The following TMPRSS15 variants were observed in gnomAD, a reference collection of about 807,000 sequenced individuals.
The protein encoded by TMPRSS15 is enteropeptidase.
In TMPRSS15, 128 loss-of-function variants were observed where a neutral mutation model predicts 125.3. The observed-to-expected ratio is 1.02, with a 90% CI of 0.89 to 1.18. The LOEUF (loss-of-function observed/expected upper bound fraction) is 1.18, where lower values mean the gene tolerates loss of function less well. Among genes scored for constraint, TMPRSS15 ranks in the 50% most tolerant of loss-of-function variants. The pLI, the probability that TMPRSS15 is intolerant of heterozygous loss-of-function variation, is 0.00. For synonymous variants in TMPRSS15, 446 were observed against 423.2 expected (o/e 1.05, Z -0.66); for missense variants, 1,283 against 1,212.7 (o/e 1.06, Z -0.86).
At position 18,437,838 on chromosome 21, in the gene TMPRSS15, G is replaced by C. The variant is rs1474291961; in HGVS notation, c.11-39509C>G. Among the ~76,000 whole-genome samples, 4 of 152,098 alleles carry C rather than the reference G, an allele frequency of 2.6e-5. No individual in the cohort carries two copies. In the East Asian group the frequency reaches 7.7e-4, roughly 29 times the overall value. On this transcript the variant is annotated intron_variant, in intron 1 of 7. Transcript: ENST00000422787. ...AAGTCAGGAAACAACAGGTGCTGGA[G>C]AGGATGTGGAGAAATAGGAACACTT... is the stretch of plus-strand genomic sequence containing the variant.
Position 18,319,422 on chromosome 21 carries a change from A to ATT in TMPRSS15, c.1922-4168_1922-4167dup, listed in dbSNP as rs35796863. 9.6e-3 allele frequency among the ~76,000 whole-genome samples: 1,009 copies of ATT among 105,188 alleles called. 13 individuals are homozygous for ATT. The highest frequency in any genetic ancestry group is 0.02 in the East Asian group (70 of 3,460). 69.0% of individuals were successfully genotyped at this position (105,188 alleles called of 152,430 possible). The stretch of plus-strand genomic sequence containing the variant: ...CAGTAAAAAAAAATCTTCTTCACCG[A>ATT]TTTTTTTTTTTTTTTTTTTTTTTGA... On this transcript the variant is annotated intron_variant, in intron 16 of 24. Coordinates refer to ENST00000284885, the MANE Select transcript of TMPRSS15 (RefSeq NM_002772.3).
chr21:18,391,944 G>A (rs2075994182), intron 3 of TMPRSS15, among the ~76,000 whole-genome samples: 1 of 151,950 alleles, frequency 6.6e-6, no homozygotes, highest in Non-Finnish European at 1.5e-5. Flanking sequence ...ACCCTCTTAA[G>A]CAATGGCCTG....
In TMPRSS15 at chr21:18,430,627, C is replaced by G. The variant is rs149856663; in HGVS notation, c.11-32298G>C. ...AGAAGAGCAGAATTACTACAATCTG[C>G]TGCTCTGTATGCTGGTGCAATAACA... On this transcript the variant is annotated intron_variant, in intron 1 of 7. Coordinates refer to the TMPRSS15 transcript ENST00000422787. Among the ~76,000 whole-genome samples the G allele has an allele frequency of 1.7e-3, 255 of 152,274 alleles. 3 individuals carry two copies. Among genetic ancestry groups the G allele is most frequent in the African/African-American group, 5.9e-3 (245 of 41,544 alleles).
chr21:18,313,072 A>C lies in TMPRSS15; in HGVS notation c.2038T>G (p.Phe680Val), dbSNP rs751066756. The part of the protein sequence containing the change: ...DGSDEADCVR[F>V]FNGTTNNNGL... ...TTGTTGTTCGTTGTGCCATTGAAAA[A>C]ACGCACTAAAGACACAGAGAGCATA... Residue 680 changes from phenylalanine (F) to valine (V), a missense_variant, in exon 18 of 25, where the codon TTT becomes GTT. Coordinates refer to ENST00000284885, the MANE Select transcript of TMPRSS15 (RefSeq NM_002772.3). The C allele has an allele frequency of 6.2e-7, 1 of 1,613,142 alleles. No homozygotes were observed. Among genetic ancestry groups the C allele is most frequent in the Non-Finnish European group, 8.5e-7 (1 of 1,179,238 alleles).
chr21:18,311,359 AAT>A (rs2075099541), intron 18 of TMPRSS15, among the ~76,000 whole-genome samples: 1 of 152,204 alleles, frequency 6.6e-6, no homozygotes, highest in African/African-American at 2.4e-5. Context: ...TATTAACCAG[AAT>A]ATATAAAGAG....
At chr21:18,418,611 A>G (rs2076185488) in intron 1 of TMPRSS15, among the ~76,000 whole-genome samples, 1 of 152,136 alleles carries the variant, frequency 6.6e-6, no homozygotes, top group Admixed American at 6.5e-5. Context: ...CTGCCCATTC[A>G]TCTCTTTGAT....
chr21:18,297,497 T>C (rs1021662640), intron 19 of TMPRSS15, among the ~76,000 whole-genome samples: 4 of 152,236 alleles, frequency 2.6e-5, no homozygotes, highest in African/African-American at 9.6e-5. Flanking sequence ...CCTATGAGTG[T>C]GCCAGAAATT....
intron 1 of TMPRSS15, among the ~76,000 whole-genome samples, chr21:18,450,824 A>G (rs2076266812): frequency 6.6e-6 from 1 of 152,196 alleles, no homozygotes; most frequent in African/African-American, 2.4e-5. Context: ...TACATCTGTC[A>G]GGTGAAGCAG....
At chr21:18,451,560 G>T (rs1025791087) in intron 1 of TMPRSS15, among the ~76,000 whole-genome samples, 1 of 152,064 alleles carries the variant, frequency 6.6e-6, no homozygotes, top group South Asian at 2.1e-4. Context: ...GCTGCTTTGG[G>T]GACAGCATTA....
At chr21:18,328,780 G>A (rs1011805839) in intron 15 of TMPRSS15, among the ~76,000 whole-genome samples, 4 of 152,196 alleles carry the variant, frequency 2.6e-5, no homozygotes, top group Non-Finnish European at 2.9e-5. Context: ...ATATAATTGG[G>A]TTGTAACACA....
At chr21:18,299,895 T>C (rs1601295976) in intron 18 of TMPRSS15, among the ~76,000 whole-genome samples, 3 of 152,302 alleles carry the variant, frequency 2.0e-5, no homozygotes, top group South Asian at 2.1e-4. Flanking sequence ...CTCCAGGTGA[T>C]CCTGGTGCCT....
intron 13 of TMPRSS15, among the ~76,000 whole-genome samples, chr21:18,335,643 A>G (rs1258697296): frequency 6.6e-6 from 1 of 152,234 alleles, no homozygotes; most frequent in Non-Finnish European, 1.5e-5. Flanking sequence ...CCAATAAGAC[A>G]TCTCTGATCC....
chr21:18,325,555 C>T (rs2146959943), intron 16 of TMPRSS15, among the ~76,000 whole-genome samples: 1 of 152,114 alleles, frequency 6.6e-6, no homozygotes, highest in Non-Finnish European at 1.5e-5. Context: ...CTATCCAACC[C>T]TACCTCTTTT....
intron 21 of TMPRSS15, among the ~76,000 whole-genome samples, chr21:18,281,713 T>G (rs2074700474): frequency 6.6e-6 from 1 of 152,194 alleles, no homozygotes; most frequent in Non-Finnish European, 1.5e-5. Flanking sequence ...TGTTAAGGGC[T>G]TTTTCAGACA....
intron 18 of TMPRSS15, among the ~76,000 whole-genome samples, chr21:18,309,820 C>T (rs1314309681): frequency 1.3e-5 from 2 of 152,098 alleles, no homozygotes; most frequent in Admixed American, 1.3e-4. Context: ...AACGCTTTTA[C>T]ACTGTTGGTG....
intron 21 of TMPRSS15, among the ~76,000 whole-genome samples, chr21:18,292,581 C>T (rs896813902): frequency 6.6e-6 from 1 of 152,170 alleles, no homozygotes; most frequent in African/African-American, 2.4e-5. Context: ...ACTAATATTA[C>T]TGCGAGCCTG....
At chr21:18,472,476 TATATAC>T (rs773470148) in intron 1 of TMPRSS15, among the ~76,000 whole-genome samples, 7 of 128,736 alleles carry the variant, frequency 5.4e-5, no homozygotes, top group East Asian at 5.6e-4. Flanking sequence ...TATATATATA[TATATAC>T]ACACACACAC....
intron 18 of TMPRSS15, among the ~76,000 whole-genome samples, chr21:18,303,843 A>G (rs9984181): frequency 0.11 from 16,482 of 152,260 alleles, 1,064 homozygotes; most frequent in Middle Eastern, 0.22. Flanking sequence ...GACAAAATAC[A>G]TATTAAAAAG....
At chr21:18,326,720 C>G (rs936757357) in intron 15 of TMPRSS15, 148 bp from the exon 16 acceptor site, 31 of 813,402 alleles carry the variant, frequency 3.8e-5, no homozygotes, top group Admixed American at 3.5e-4. Flanking sequence ...TGAACACACA[C>G]ATTCTCTTAC....
Sources: gnomAD v4.1 joint callset for allele counts (sites outside exome capture counted in the v4.1 genomes callset) on GRCh38, gnomAD v4.1.1 for gene constraint, MANE v1.5 for transcripts, NCBI Gene and HGNC (gene_info 2026-07-23, HGNC 2026-07-21) for gene names.